The following SMAP1 variants were observed in gnomAD, a reference collection of about 807,000 sequenced individuals.
The protein encoded by SMAP1 is small ArfGAP 1.
A neutral mutation model predicts 58.5 loss-of-function variants in SMAP1; 24 were observed. The ratio of observed to expected loss-of-function variants is 0.41; its 90% CI spans 0.30 to 0.58. SMAP1 has a LOEUF of 0.58. Ranked by LOEUF, SMAP1 falls within the 20% of genes least tolerant of loss-of-function variation. The pLI, the probability that SMAP1 is intolerant of heterozygous loss-of-function variation, is 0.29. For synonymous variants in SMAP1, 216 were observed against 196.6 expected (o/e 1.10, Z -0.82); for missense variants, 563 against 566.3 (o/e 0.99, Z 0.06).
intron 6 of SMAP1, among the ~76,000 whole-genome samples, chr6:70,816,863 G>A (rs890814821): frequency 4.6e-5 from 7 of 152,022 alleles, no homozygotes; most frequent in Admixed American, 3.3e-4. Flanking sequence ...AAACTTTATA[G>A]CATTTAAAGA....
chr6:70,698,625 G>T (rs186786459), intron 1 of SMAP1, among the ~76,000 whole-genome samples: 2 of 152,138 alleles, frequency 1.3e-5, no homozygotes, highest in East Asian at 3.9e-4. Context: ...GAAATAGCCT[G>T]CTTCAAGCTT....
intron 1 of SMAP1, among the ~76,000 whole-genome samples, chr6:70,688,339 T>C (rs1433901354): frequency 6.6e-6 from 1 of 152,180 alleles, no homozygotes; most frequent in East Asian, 1.9e-4. Context: ...TTTGCTGGGT[T>C]GTATGGTGAT....
chr6:70,745,412 A>C (rs1765988625), intron 2 of SMAP1, among the ~76,000 whole-genome samples: 1 of 152,142 alleles, frequency 6.6e-6, no homozygotes, highest in Non-Finnish European at 1.5e-5. Context: ...TTTTCCCAGC[A>C]CCATTTATTA....
At chr6:70,809,751 A>G (rs974415566) in intron 6 of SMAP1, among the ~76,000 whole-genome samples, 1 of 152,238 alleles carries the variant, frequency 6.6e-6, no homozygotes, top group Admixed American at 6.5e-5. Context: ...GATGTCTCAC[A>G]GAACATTTGT....
intron 4 of SMAP1, among the ~76,000 whole-genome samples, chr6:70,776,660 C>A (rs1246815943): frequency 6.6e-6 from 1 of 152,200 alleles, no homozygotes; most frequent in Non-Finnish European, 1.5e-5. Flanking sequence ...CTCTCCCTTA[C>A]CCTTTAATGT....
At chr6:70,740,338 T>A (rs1363439940) in intron 2 of SMAP1, among the ~76,000 whole-genome samples, 1 of 152,078 alleles carries the variant, frequency 6.6e-6, no homozygotes, top group Non-Finnish European at 1.5e-5. Flanking sequence ...GGTGGGTGGA[T>A]CACCTGAGGT....
In SMAP1 at chr6:70,757,786, C is replaced by T. The variant is rs200656782; in HGVS notation, c.338+2721C>T. Among the ~76,000 whole-genome samples, 236 of 152,284 alleles carry T rather than the reference C, an allele frequency of 1.5e-3. 4 individuals are homozygous for T. The highest frequency in any genetic ancestry group is 5.4e-3 in the African/African-American group (225 of 41,542). The stretch of plus-strand genomic sequence containing the variant: ...ATGAAAAAATGCTCATTATCACTGG[C>T]GATTAGAGAAATGCAAATCAAAACC... On this transcript the variant is annotated intron_variant, in intron 3 of 10. Transcript: ENST00000370455.
chr6:70,682,170 ATTTTTTTTTTTTTTTTTTT>A (rs66981900), intron 1 of SMAP1, among the ~76,000 whole-genome samples: 13 of 95,912 alleles, frequency 1.4e-4, no homozygotes, highest in South Asian at 3.5e-4. Flanking sequence ...CTCTGCACAG[ATTTTTTTTTTTTTTTTTTT>A]TTTTTTTTTT....
chr6:70,756,668 A>T (rs1264877153), intron 3 of SMAP1, among the ~76,000 whole-genome samples: 4 of 152,116 alleles, frequency 2.6e-5, no homozygotes, highest in Non-Finnish European at 2.9e-5. Context: ...GTGTTTAAAA[A>T]CACATGAAGG....
chr6:70,787,396 C>G (rs1018255000), intron 4 of SMAP1, among the ~76,000 whole-genome samples: 34 of 151,904 alleles, frequency 2.2e-4, no homozygotes, highest in Non-Finnish European at 3.1e-4. Flanking sequence ...TGGGCAAGGA[C>G]TTCATGTCTA....
chr6:70,827,312 G>A (rs1325756888), intron 6 of SMAP1, among the ~76,000 whole-genome samples: 2 of 152,162 alleles, frequency 1.3e-5, no homozygotes, highest in African/African-American at 4.8e-5. Context: ...TAAAATAAAT[G>A]CCAACAAATT....
chr6:70,792,384 A>G (rs553337901), intron 5 of SMAP1, among the ~76,000 whole-genome samples: 1 of 150,774 alleles, frequency 6.6e-6, no homozygotes, highest in African/African-American at 2.4e-5. Context: ...CATCCTTTCA[A>G]CTATCATTTT....
intron 4 of SMAP1, among the ~76,000 whole-genome samples, chr6:70,790,268 GT>G (rs1242977215): frequency 6.6e-6 from 1 of 152,122 alleles, no homozygotes; most frequent in African/African-American, 2.4e-5. Context: ...AGCCTTCCAA[GT>G]AGCTGGGATT....
At chr6:70,765,294 A>C (rs574278941) in intron 3 of SMAP1, among the ~76,000 whole-genome samples, 2 of 152,334 alleles carry the variant, frequency 1.3e-5, no homozygotes, top group Admixed American at 1.3e-4. Flanking sequence ...AAGCAAAATG[A>C]CATATAATGA....
At chr6:70,838,451 T>C (rs1161977026) in intron 7 of SMAP1, among the ~76,000 whole-genome samples, 1 of 152,144 alleles carries the variant, frequency 6.6e-6, no homozygotes, top group East Asian at 1.9e-4. Context: ...ATAAAATATA[T>C]TGTAGGTTAT....
chr6:70,685,334 T>G (rs973528573), intron 1 of SMAP1, among the ~76,000 whole-genome samples: 10 of 151,872 alleles, frequency 6.6e-5, no homozygotes, highest in Admixed American at 6.6e-5. Context: ...GAGTAGACAT[T>G]AGTGAGAGAT....
intron 6 of SMAP1, among the ~76,000 whole-genome samples, chr6:70,830,706 A>G (rs1770323369): frequency 6.6e-6 from 1 of 152,238 alleles, no homozygotes; most frequent in Non-Finnish European, 1.5e-5. Context: ...GTTTTCAGGA[A>G]GACATAATCC....
intron 1 of SMAP1, among the ~76,000 whole-genome samples, chr6:70,675,985 C>G (rs1766466281): frequency 1.3e-5 from 2 of 152,202 alleles, no homozygotes; most frequent in African/African-American, 4.8e-5. Flanking sequence ...TGACCAGTCT[C>G]CCTAATAACC....
Position 70,861,756 on chromosome 6 carries a change from G to A in SMAP1, c.*1422G>A, listed in dbSNP as rs1352080601. On this transcript the variant is annotated 3_prime_UTR_variant, in exon 11 of 11. Transcript: ENST00000370455. Reference sequence around the variant, plus strand: ...GAGTGTGCCACACGAGAACCTGAAGGGGAAGGAAATAGCTTGGGTAGCGCA... The same window carrying A: ...GAGTGTGCCACACGAGAACCTGAAGAGGAAGGAAATAGCTTGGGTAGCGCA... 2 of 1,614,036 alleles carry A rather than the reference G, an allele frequency of 1.2e-6. No homozygotes were observed. The highest frequency in any genetic ancestry group is 2.2e-5 in the South Asian group (2 of 91,070).
Sources: allele counts gnomAD v4.1 joint callset (sites outside exome capture counted in the v4.1 genomes callset), GRCh38; gene constraint gnomAD v4.1.1; transcripts MANE v1.5; gene names NCBI Gene and HGNC (gene_info 2026-07-23, HGNC 2026-07-21).